SPATA16: variants seen among roughly 807,000 people sequenced by gnomAD.
SPATA16 encodes spermatogenesis associated 16.
Under a neutral mutation model 63.3 loss-of-function variants are expected in SPATA16, and 36 were observed. That is an observed-to-expected ratio of 0.57 (90% confidence interval 0.44 to 0.75). SPATA16 has a LOEUF of 0.75. Among genes scored for constraint, SPATA16 ranks in the 30% least tolerant of loss-of-function variants. The pLI is 0.00. For synonymous variants in SPATA16, 203 were observed against 216.7 expected (o/e 0.94, Z 0.56); for missense variants, 646 against 679.3 (o/e 0.95, Z 0.54).
intron 4 of SPATA16, among the ~76,000 whole-genome samples, chr3:172,991,428 A>G (rs1437910837): frequency 6.6e-6 from 1 of 152,142 alleles, no homozygotes; most frequent in Non-Finnish European, 1.5e-5. Flanking sequence ...ACTCTATTGA[A>G]CTTTTCCCCT....
At chr3:173,104,753 C>A (rs1441886478) in intron 2 of SPATA16, among the ~76,000 whole-genome samples, 1 of 152,142 alleles carries the variant, frequency 6.6e-6, no homozygotes, top group Admixed American at 6.5e-5. Flanking sequence ...TGTCTCCAGA[C>A]CCCCATCCTT....
chr3:173,048,939 A>C lies in SPATA16; in HGVS notation c.758+10T>G, dbSNP rs767827983. The C allele has an allele frequency of 6.2e-7, 1 of 1,613,552 alleles. No homozygotes were observed. The highest frequency in any genetic ancestry group is 1.1e-5 in the South Asian group (1 of 91,072). On this transcript the variant is annotated intron_variant, in intron 3 of 10. Coordinates refer to ENST00000351008, the MANE Select transcript of SPATA16 (RefSeq NM_031955.6). ...AGCATTTACTTGCACTTATTAGTAT[A>C]TGATTTTACCTGTGTGCATGATTCA...
In SPATA16 at chr3:172,924,314, T is replaced by C; in HGVS notation, c.1232A>G (p.His411Arg). Reference protein sequence around the residue: ...SSRKLPIFTEHKTPFGLTRED... With the variant: ...SSRKLPIFTERKTPFGLTRED... The stretch of plus-strand genomic sequence containing the variant: ...TCTGGTCAGACCGAAAGGTGTTTTA[T>C]GCTCTAAAAATTGTAACAATAAACT... Residue 411 changes from histidine (H) to arginine (R), a missense_variant, in exon 8 of 11, where the codon CAT (histidine) becomes CGT (arginine). Physicochemically the swap from His to Arg is conservative, Grantham distance 29. Coordinates refer to ENST00000351008, the MANE Select transcript of SPATA16 (RefSeq NM_031955.6). 1 of 1,611,296 alleles carries C rather than the reference T, an allele frequency of 6.2e-7. No individual in the cohort carries two copies. The highest frequency in any genetic ancestry group is 1.1e-5 in the South Asian group (1 of 91,034).
At chr3:172,943,030 A>G (rs948221991) in intron 6 of SPATA16, among the ~76,000 whole-genome samples, 12 of 152,316 alleles carry the variant, frequency 7.9e-5, no homozygotes, top group African/African-American at 2.9e-4. Context: ...AACAAAAATC[A>G]TTCTTGGAGA....
intron 5 of SPATA16, among the ~76,000 whole-genome samples, chr3:172,967,776 TATGAGAATCTAATGCCTG>T (rs1378486676): frequency 1.8e-4 from 27 of 152,322 alleles, no homozygotes; most frequent in Admixed American, 1.5e-3. Context: ...ATGTGCTTCT[TATGAGAATCTAATGCCTG>T]ATGATCTGTC....
chr3:173,024,282 T>G (rs1194038992), intron 3 of SPATA16, among the ~76,000 whole-genome samples: 3 of 151,714 alleles, frequency 2.0e-5, no homozygotes, highest in African/African-American at 7.2e-5. Flanking sequence ...ACTATTTTTT[T>G]CTCTTACTAC....
At chr3:173,076,565 TA>T (rs1736808581) in intron 2 of SPATA16, among the ~76,000 whole-genome samples, 4 of 152,078 alleles carry the variant, frequency 2.6e-5, no homozygotes, top group Admixed American at 2.6e-4. Context: ...CTAAAATTTT[TA>T]TTGAATGCTA....
intron 3 of SPATA16, among the ~76,000 whole-genome samples, chr3:173,025,307 T>G (rs1735427928): frequency 6.6e-6 from 1 of 151,838 alleles, no homozygotes; most frequent in Non-Finnish European, 1.5e-5. Flanking sequence ...TCAAATTCCT[T>G]GGGAAATCTT....
intron 5 of SPATA16, among the ~76,000 whole-genome samples, chr3:172,963,937 G>A (rs537210680): frequency 9.2e-5 from 14 of 152,140 alleles, no homozygotes; most frequent in South Asian, 4.2e-4. Context: ...GTAAATTCTC[G>A]GAAGTATAAG....
intron 4 of SPATA16, among the ~76,000 whole-genome samples, chr3:172,983,599 T>C: frequency 6.6e-6 from 1 of 152,318 alleles, no homozygotes; most frequent in East Asian, 1.9e-4. Flanking sequence ...CAAGAACATA[T>C]GTATATACGT....
intron 5 of SPATA16, among the ~76,000 whole-genome samples, chr3:172,972,916 C>T (rs1482367975): frequency 6.6e-6 from 1 of 152,092 alleles, no homozygotes; most frequent in Non-Finnish European, 1.5e-5. Flanking sequence ...CAAAGATGAC[C>T]TCATTTACTT....
intron 6 of SPATA16, among the ~76,000 whole-genome samples, chr3:172,946,892 C>T (rs1055224031): frequency 2.6e-5 from 4 of 152,138 alleles, no homozygotes; most frequent in African/African-American, 9.7e-5. Context: ...GGGAGGGACC[C>T]AGTGCTTTGC....
rs1324931666 is a variant in SPATA16, at chr3:173,117,577, CCA to C, written c.153_154del (p.Cys51TrpfsTer3). ...AAGTGTGATTTCTACCTGTTTACCTCCACAGTTTTTCTTAATCTCTTGTGACA... is the reference window on the plus strand; with the variant it reads ...AAGTGTGATTTCTACCTGTTTACCTCCAGTTTTTCTTAATCTCTTGTGACA... On this transcript the variant is annotated frameshift_variant, in exon 2 of 11. Transcript: ENST00000351008. LOFTEE classifies it high-confidence loss of function. 1 of 1,613,658 alleles carries C rather than the reference CCA, an allele frequency of 6.2e-7. No individual in the cohort carries two copies. Among genetic ancestry groups the C allele is most frequent in the South Asian group, 1.1e-5 (1 of 91,006 alleles).
chr3:173,103,342 AC>A (rs1436470132), intron 2 of SPATA16, among the ~76,000 whole-genome samples: 2 of 152,214 alleles, frequency 1.3e-5, no homozygotes, highest in Non-Finnish European at 2.9e-5. Context: ...TCCCCTCTGC[AC>A]TGCCCTAGCA....
chr3:172,891,508 C>T (rs906535729), intron 10 of SPATA16, among the ~76,000 whole-genome samples: 6 of 152,192 alleles, frequency 3.9e-5, no homozygotes, highest in Non-Finnish European at 7.3e-5. Context: ...GTGCTTTAAT[C>T]CATCTCATAA....
intron 2 of SPATA16, among the ~76,000 whole-genome samples, chr3:173,108,412 AT>A (rs1737670120): frequency 6.6e-6 from 1 of 152,212 alleles, no homozygotes; most frequent in Non-Finnish European, 1.5e-5. Context: ...AAAGTCACAT[AT>A]GGGTTAAAAC....
chr3:172,916,196 G>C (rs954146715), intron 9 of SPATA16, 121 bp downstream of exon 9: 85 of 1,214,064 alleles, frequency 7.0e-5, no homozygotes, highest in Non-Finnish European at 9.8e-5. Context: ...AGAAGGTTTG[G>C]GAGTTTGCCC....
At chr3:172,907,341 C>G (rs1343438889) in intron 10 of SPATA16, among the ~76,000 whole-genome samples, 1 of 152,208 alleles carries the variant, frequency 6.6e-6, no homozygotes, top group Admixed American at 6.5e-5. Flanking sequence ...CCACTGCGTT[C>G]AAGGGTTAAG....
chr3:173,091,573 A>C (rs1560120104), intron 2 of SPATA16, among the ~76,000 whole-genome samples: 1 of 152,198 alleles, frequency 6.6e-6, no homozygotes, highest in Non-Finnish European at 1.5e-5. Flanking sequence ...CCAAAAAGTC[A>C]ACATATTTTC....
Sources: gnomAD v4.1 joint callset for allele counts (sites outside exome capture counted in the v4.1 genomes callset) on GRCh38, gnomAD v4.1.1 for gene constraint, MANE v1.5 for transcripts, NCBI Gene and HGNC (gene_info 2026-07-23, HGNC 2026-07-21) for gene names.